PDZRN3: variants seen among roughly 807,000 people sequenced by gnomAD.
The protein encoded by PDZRN3 is E3 ubiquitin-protein ligase PDZRN3.
A neutral mutation model predicts 85.7 loss-of-function variants in PDZRN3; 38 were observed. That is an observed-to-expected ratio of 0.44 (90% confidence interval 0.34 to 0.58). The LOEUF (loss-of-function observed/expected upper bound fraction) is 0.58. PDZRN3 is among the 20% of genes least tolerant of loss of function. PDZRN3 has a pLI of 0.01. For synonymous variants in PDZRN3, 759 were observed against 638.0 expected, an observed-to-expected ratio of 1.19 and a Z score of -2.86; for missense variants, 1,629 against 1,506.4, an observed-to-expected ratio of 1.08 and a Z score of -1.35.
At chr3:73,493,731 G>A (rs368927217) in intron 3 of PDZRN3, among the ~76,000 whole-genome samples, 124 of 152,288 alleles carry the variant, frequency 8.1e-4, no homozygotes, top group Middle Eastern at 3.4e-3. Flanking sequence ...CCTCAGGCCT[G>A]GCTAGTCAGA....
intron 3 of PDZRN3, among the ~76,000 whole-genome samples, chr3:73,405,248 AACTC>A (rs1049284212): frequency 1.3e-5 from 2 of 152,220 alleles, no homozygotes; most frequent in Admixed American, 6.5e-5. Context: ...GTACAATCAA[AACTC>A]ACTCAACCCA....
chr3:73,464,977 G>C (rs1055523249), intron 3 of PDZRN3, among the ~76,000 whole-genome samples: 20 of 152,136 alleles, frequency 1.3e-4, no homozygotes, highest in African/African-American at 4.1e-4. Flanking sequence ...TCTTATTTAA[G>C]TGAAAATTTG....
At chr3:73,579,806 T>A (rs1702172291) in intron 3 of PDZRN3, among the ~76,000 whole-genome samples, 1 of 152,182 alleles carries the variant, frequency 6.6e-6, no homozygotes, top group African/African-American at 2.4e-5. Flanking sequence ...ATGGGATCTA[T>A]CCCATTATGT....
chr3:73,411,012 C>CCTAT (rs1701956401), intron 3 of PDZRN3, among the ~76,000 whole-genome samples: 1 of 152,228 alleles, frequency 6.6e-6, no homozygotes, highest in South Asian at 2.1e-4. Flanking sequence ...GCCAAATCTC[C>CCTAT]CTATCTTCTA....
chr3:73,443,677 A>G (rs1295610888), intron 3 of PDZRN3, among the ~76,000 whole-genome samples: 1 of 150,896 alleles, frequency 6.6e-6, no homozygotes, highest in African/African-American at 2.4e-5. Flanking sequence ...TTTTGTAGAG[A>G]TGGGGTGGGT....
chr3:73,623,957 A>G (rs1321256067), intron 1 of PDZRN3, 146 bp downstream of exon 1: 8 of 786,006 alleles, frequency 1.0e-5, no homozygotes, highest in Non-Finnish European at 1.5e-5. Context: ...GCAAGTAGTG[A>G]TACAGCTGGT....
intron 3 of PDZRN3, among the ~76,000 whole-genome samples, chr3:73,497,413 T>A (rs945749504): frequency 5.8e-5 from 5 of 86,090 alleles, no homozygotes; most frequent in East Asian, 3.2e-4. Context: ...TTTAAAAAAA[T>A]TTTTTTAACT....
At chr3:73,400,712 T>C (rs1308848620) in intron 5 of PDZRN3, among the ~76,000 whole-genome samples, 1 of 152,202 alleles carries the variant, frequency 6.6e-6, no homozygotes, top group Non-Finnish European at 1.5e-5. Flanking sequence ...AAGTTTACAT[T>C]TCTGCTTTTG....
At chr3:73,542,359 C>G (rs1041480917) in intron 3 of PDZRN3, among the ~76,000 whole-genome samples, 5 of 152,216 alleles carry the variant, frequency 3.3e-5, no homozygotes, top group Admixed American at 3.3e-4. Context: ...GCCTGGGCAT[C>G]AATCCCAGGC....
intron 3 of PDZRN3, among the ~76,000 whole-genome samples, chr3:73,570,410 G>C (rs11128347): frequency 0.13 from 19,245 of 152,198 alleles, 1,308 homozygotes; most frequent in Admixed American, 0.17. Context: ...AAAAAGTAAA[G>C]GCTGCGTATG....
intron 3 of PDZRN3, among the ~76,000 whole-genome samples, chr3:73,436,334 C>T (rs989133934): frequency 3.3e-5 from 5 of 152,192 alleles, no homozygotes; most frequent in African/African-American, 4.8e-5. Context: ...GGAAAACATA[C>T]TCACTGCATG....
intron 1 of PDZRN3, among the ~76,000 whole-genome samples, chr3:73,610,921 C>A (rs1204624106): frequency 6.6e-6 from 1 of 152,122 alleles, no homozygotes; most frequent in Non-Finnish European, 1.5e-5. Context: ...CAATAAAATG[C>A]TTTATTTCAT....
rs1442318078 is a variant in PDZRN3 at position 73,532,515 on chromosome 3, A to G, written c.918+69839T>C. Among the ~76,000 whole-genome samples, 3 of 152,190 alleles carry G rather than the reference A, an allele frequency of 2.0e-5. No individual in the cohort carries two copies. In the East Asian group the frequency reaches 5.8e-4, roughly 29 times the overall value. ...CTGATGGCGTTCCTTGAGTCATCTCACTTTGATCCTCATTACACACTCACT... is the reference window on the plus strand; with the variant it reads ...CTGATGGCGTTCCTTGAGTCATCTCGCTTTGATCCTCATTACACACTCACT... On this transcript the variant is annotated intron_variant, in intron 3 of 9. Coordinates refer to ENST00000263666, the MANE Select transcript of PDZRN3 (RefSeq NM_015009.3).
chr3:73,574,541 C>G (rs1482963303), intron 3 of PDZRN3, among the ~76,000 whole-genome samples: 1 of 151,958 alleles, frequency 6.6e-6, no homozygotes, highest in Non-Finnish European at 1.5e-5. Flanking sequence ...TCACTGCAAC[C>G]TCCACCTCCC....
At chr3:73,437,749 T>C (rs1407743924) in intron 3 of PDZRN3, among the ~76,000 whole-genome samples, 1 of 152,224 alleles carries the variant, frequency 6.6e-6, no homozygotes, top group Non-Finnish European at 1.5e-5. Context: ...CCCTTTACTT[T>C]GGAAAATCAT....
At chr3:73,458,776 G>A (rs1375491653) in intron 3 of PDZRN3, among the ~76,000 whole-genome samples, 1 of 151,604 alleles carries the variant, frequency 6.6e-6, no homozygotes, top group Non-Finnish European at 1.5e-5. Flanking sequence ...TAGATCACGA[G>A]GTCAGGAATT....
rs150557330 is a variant in PDZRN3 at position 73,437,800 on chromosome 3, T to C, written c.919-33405A>G. 7.2e-5 allele frequency among the ~76,000 whole-genome samples: 11 copies of C among 152,316 alleles called. No individual in the cohort carries two copies. In the East Asian group the frequency reaches 1.9e-3, roughly 27 times the overall value. ...TGGTGTTTTATTTTCAAAATGTTGCTTTCCTATAGTAAGGAACACACAATT... is the reference window on the plus strand; with the variant it reads ...TGGTGTTTTATTTTCAAAATGTTGCCTTCCTATAGTAAGGAACACACAATT... On this transcript the variant is annotated intron_variant, in intron 3 of 9. Coordinates refer to ENST00000263666, the MANE Select transcript of PDZRN3 (RefSeq NM_015009.3).
chr3:73,565,028 T>C (rs1374311358), intron 3 of PDZRN3, among the ~76,000 whole-genome samples: 1 of 152,088 alleles, frequency 6.6e-6, no homozygotes, highest in Non-Finnish European at 1.5e-5. Flanking sequence ...TTAAGGTAAC[T>C]GTACACACAA....
At chr3:73,507,206 T>C (rs555095980) in intron 3 of PDZRN3, among the ~76,000 whole-genome samples, 2 of 152,234 alleles carry the variant, frequency 1.3e-5, no homozygotes, top group Non-Finnish European at 2.9e-5. Flanking sequence ...CTCGCTCTTG[T>C]CCCCCAAGCT....
Sources: allele counts gnomAD v4.1 joint callset (sites outside exome capture counted in the v4.1 genomes callset), GRCh38; gene constraint gnomAD v4.1.1; transcripts MANE v1.5; gene names NCBI Gene and HGNC (gene_info 2026-07-23, HGNC 2026-07-21).